Variants in MGAM observed in about 807,000 individuals in gnomAD.
MGAM encodes the protein alpha-1,4-glucosidase.
MGAM carries 253 observed loss-of-function variants against 358.8 expected under a neutral mutation model. That is an observed-to-expected ratio of 0.71 (90% CI 0.64 to 0.78). The LOEUF (loss-of-function observed/expected upper bound fraction) is 0.78, where lower values mean the gene tolerates loss of function less well. MGAM is among the 30% of genes least tolerant of loss of function. The pLI is 0.00. For missense variants in MGAM, 3,080 were observed against 3,432.6 expected, an observed-to-expected ratio of 0.90 and a Z score of 2.57; for synonymous variants, 1,105 against 1,227.1, an observed-to-expected ratio of 0.90 and a Z score of 2.08.
chr7:142,055,767 C>T lies in MGAM; in HGVS notation c.3483+41C>T, dbSNP rs140220942. ...TTGGGATCTGTGTCTCTGCTTCTCT[C>T]CACCCACACTGCTCAGGCTTTGGGC... is the stretch of plus-strand genomic sequence containing the variant. On this transcript the variant is annotated intron_variant, in intron 28 of 70. Transcript: ENST00000475668. 497 of 1,610,196 alleles carry T rather than the reference C, an allele frequency of 3.1e-4. No homozygotes were observed. The African/African-American group carries it at 6.3e-3, about 20-fold the overall frequency.
chr7:142,022,268 G>GT lies in MGAM; in HGVS notation c.714dup (p.Asp239Ter). 2 of 1,605,602 alleles carry GT rather than the reference G, an allele frequency of 1.2e-6. No individual in the cohort carries two copies. Among genetic ancestry groups the GT allele is most frequent in the Non-Finnish European group, 1.7e-6 (2 of 1,175,106 alleles). ...CCTTGTGTTCTCCACCTGTGTCTAGGTTTGACTCGAGCATTGGGCCCCTAC... is the reference window on the plus strand; with the variant it reads ...CCTTGTGTTCTCCACCTGTGTCTAGGTTTTGACTCGAGCATTGGGCCCCTAC... On this transcript the variant is annotated frameshift_variant and splice_region_variant, in exon 7 of 71. Transcript: ENST00000475668. LOFTEE classifies it high-confidence loss of function.
intron 26 of MGAM, 103 bp downstream of exon 26, chr7:142,053,087 A>T (rs1299450269): frequency 1.6e-6 from 2 of 1,243,768 alleles, no homozygotes; most frequent in Non-Finnish European, 2.3e-6. Context: ...ATCATGCTAC[A>T]ACAGACTATA....
Position 142,093,494 on chromosome 7 carries a change from G to A in MGAM, c.7116G>A (p.Val2372=), listed in dbSNP as rs1167683138. The A allele has an allele frequency of 1.6e-5, 25 of 1,515,814 alleles. 2 individuals are homozygous for A. The highest frequency in any genetic ancestry group is 2.2e-5 in the Non-Finnish European group (25 of 1,111,776). 93.9% of individuals were successfully genotyped at this position (1,515,814 alleles called of 1,614,324 possible). A position where few individuals can be genotyped will look rare whatever the true frequency, so the allele number is the denominator to read the frequency against. The change falls in exon 60 of 71, where the codon GTG becomes GTA. Residue 2372 remains valine, a synonymous_variant. Coordinates refer to ENST00000475668, the MANE Select transcript of MGAM (RefSeq NM_001365693.1). ...AGATCCTCCCAGACGGCTCCCCGGT[G>A]CAGCACTACAATGTGCACAACCTGT... The part of the protein sequence containing the change: ...SQQILPDGSP[V]QHYNVHNLYG...
chr7:142,098,099 G>T (rs939832452), intron 66 of MGAM, among the ~76,000 whole-genome samples: 5 of 151,954 alleles, frequency 3.3e-5, no homozygotes, highest in African/African-American at 1.2e-4. Context: ...CTCAAAGAAG[G>T]GCACTGCACA....
In MGAM at chr7:142,059,842, T is replaced by C. The variant is rs958402999; in HGVS notation, c.3949-14T>C. ...GGCTTTGGTTTTCCCAACTGACTTA[T>C]GCTTTGATTTCAGGATCCAGCCATT... On this transcript the variant is annotated splice_polypyrimidine_tract_variant and intron_variant, in intron 32 of 70. Coordinates refer to ENST00000475668, the MANE Select transcript of MGAM (RefSeq NM_001365693.1). 2 of 1,602,050 alleles carry C rather than the reference T, an allele frequency of 1.2e-6. No homozygotes were observed. The highest frequency in any genetic ancestry group is 1.3e-5 in the African/African-American group (1 of 74,772).
At chr7:142,050,141 G>T in intron 22 of MGAM, 94 bp from the exon 23 acceptor site, 2 of 1,189,930 alleles carry the variant, frequency 1.7e-6, no homozygotes, top group South Asian at 2.5e-5. Flanking sequence ...TGCTATGTGT[G>T]ACCTCAAGGC....
rs180897892 is a variant in MGAM at position 142,056,162 on chromosome 7, T to C, written c.3580+66T>C. On this transcript the variant is annotated intron_variant, in intron 29 of 70. Coordinates refer to ENST00000475668, the MANE Select transcript of MGAM (RefSeq NM_001365693.1). Reference sequence around the variant, plus strand: ...ATCATGCCTGAGTCAATTTACAATGTGTTTAGCCTAACTGTTCCTTGAAGG... The same window carrying C: ...ATCATGCCTGAGTCAATTTACAATGCGTTTAGCCTAACTGTTCCTTGAAGG... 938 of 1,464,148 alleles carry C rather than the reference T, an allele frequency of 6.4e-4. 3 individuals are homozygous for C. The African/African-American group carries it at 0.012, about 19-fold the overall frequency. 90.7% of individuals were successfully genotyped at this position (1,464,148 alleles called of 1,614,324 possible).
At position 142,040,859 on chromosome 7, in the gene MGAM, T is replaced by C. The variant is rs377616979; in HGVS notation, c.2498+13T>C. ...CCACTCTGGCCAGGTATAGCATGGC[T>C]GGAGTGTCCTTTCAGAATTCATGTC... On this transcript the variant is annotated intron_variant, in intron 21 of 70. Coordinates refer to ENST00000475668, the MANE Select transcript of MGAM (RefSeq NM_001365693.1). The C allele has an allele frequency of 4.4e-6, 7 of 1,588,896 alleles. No homozygotes were observed. In the South Asian group the frequency reaches 8.0e-5, roughly 18 times the overall value.
chr7:142,042,013 T>TAC (rs1808797469), intron 21 of MGAM, among the ~76,000 whole-genome samples: 1 of 22,374 alleles, frequency 4.5e-5, no homozygotes, highest in Non-Finnish European at 6.7e-5. Context: ...ATATATAATA[T>TAC]AATATATATA....
intron 33 of MGAM, 75 bp from the exon 34 acceptor site, chr7:142,060,236 A>G (rs1194825531): frequency 5.1e-6 from 8 of 1,571,306 alleles, no homozygotes; most frequent in African/African-American, 2.7e-5. Context: ...CACGGTTTGT[A>G]TAACAATTTA....
intron 6 of MGAM, among the ~76,000 whole-genome samples, 178 bp from the exon 7 acceptor site, chr7:142,022,090 C>T (rs1272876070): frequency 6.6e-6 from 1 of 152,114 alleles, no homozygotes; most frequent in East Asian, 1.9e-4. Flanking sequence ...GCACATGGTC[C>T]CTTTCTTCAA....
At position 142,088,803 on chromosome 7, in the gene MGAM, TTCTATC is replaced by T. The variant is rs1456754658; in HGVS notation, c.6810+2087_6810+2092del. ...TATCTATCTATCTATCTATCTATCATTCTATCCTATCTATGTACCATCTATCTATCT... is the reference window on the plus strand; with the variant it reads ...TATCTATCTATCTATCTATCTATCATCTATCTATGTACCATCTATCTATCT... On this transcript the variant is annotated intron_variant, in intron 57 of 70. Coordinates refer to ENST00000475668, the MANE Select transcript of MGAM (RefSeq NM_001365693.1). 8.0e-4 allele frequency among the ~76,000 whole-genome samples: 98 copies of T among 122,882 alleles called. 9 individuals are homozygous for T. The East Asian group carries it at 0.011, about 14-fold the overall frequency. 80.6% of individuals were successfully genotyped at this position (122,882 alleles called of 152,430 possible). A position where few individuals can be genotyped will look rare whatever the true frequency, so the allele number is the denominator to read the frequency against.
rs1554463811 is a variant in MGAM, at chr7:142,031,678, A to C, written c.1471-2A>C. 2 of 1,593,672 alleles carry C rather than the reference A, an allele frequency of 1.3e-6. No individual in the cohort carries two copies. Among genetic ancestry groups the C allele is most frequent in the Admixed American group, 3.4e-5 (2 of 58,770 alleles). On this transcript the variant is annotated splice_acceptor_variant, in intron 12 of 70. Coordinates refer to ENST00000475668, the MANE Select transcript of MGAM (RefSeq NM_001365693.1). LOFTEE classifies it high-confidence loss of function. ...ACCAGTGTTTTTCTTTTTCTCCTGA[A>C]GGTCTGGCCTGGACAAACTGTGTTT...
intron 64 of MGAM, 88 bp downstream of exon 64, chr7:142,095,801 T>A (rs1219386964): frequency 2.0e-5 from 31 of 1,560,104 alleles, no homozygotes; most frequent in Non-Finnish European, 2.0e-5. Context: ...ATTAAAGACA[T>A]GATTGCCTTT....
At chr7:141,999,172 T>C (rs1804529428) in intron 1 of MGAM, among the ~76,000 whole-genome samples, 1 of 152,188 alleles carries the variant, frequency 6.6e-6, no homozygotes, top group Non-Finnish European at 1.5e-5. Context: ...TAATAAATAA[T>C]TCATGAATGA....
chr7:142,006,586 TG>T, intron 2 of MGAM, among the ~76,000 whole-genome samples: 1 of 152,284 alleles, frequency 6.6e-6, no homozygotes, highest in East Asian at 1.9e-4. Context: ...CTTTGTGCTT[TG>T]TCTTAAGGCT....
chr7:142,024,535 C>A (rs988855216), intron 7 of MGAM, among the ~76,000 whole-genome samples: 1 of 152,104 alleles, frequency 6.6e-6, no homozygotes, highest in South Asian at 2.1e-4. Flanking sequence ...GTTGAAGTTA[C>A]CTGGGGAAGT....
intron 1 of MGAM, among the ~76,000 whole-genome samples, chr7:142,002,005 G>A (rs1804774888): frequency 6.6e-6 from 1 of 152,094 alleles, no homozygotes; most frequent in South Asian, 2.1e-4. Context: ...TACATAAATT[G>A]TTTCAGCTAC....
Position 142,034,664 on chromosome 7 carries a change from T to A in MGAM, c.1788-6T>A. 1 of 1,612,528 alleles carries A rather than the reference T, an allele frequency of 6.2e-7. No homozygotes were observed. Among genetic ancestry groups the A allele is most frequent in the South Asian group, 1.1e-5 (1 of 90,952 alleles). On this transcript the variant is annotated splice_region_variant and splice_polypyrimidine_tract_variant and intron_variant, in intron 15 of 70. Transcript: ENST00000475668. ...CATTGACTCCTTAAATCTCTCTCCC[T>A]TGCAGAGCTGCCAAGACTGTGTTCC...
Sources: allele counts gnomAD v4.1 joint callset (sites outside exome capture counted in the v4.1 genomes callset), GRCh38; gene constraint gnomAD v4.1.1; transcripts MANE v1.5; gene names NCBI Gene and HGNC (gene_info 2026-07-23, HGNC 2026-07-21).